The following AK5 variants were observed in gnomAD, a reference collection of about 807,000 sequenced individuals.
AK5 encodes adenylate kinase 5.
Under a neutral mutation model 69.5 loss-of-function variants are expected in AK5, and 27 were observed. That is an observed-to-expected ratio of 0.39 (90% CI 0.29 to 0.54). AK5 has a LOEUF of 0.54. AK5 is among the 20% of genes least tolerant of loss of function. The probability of loss-of-function intolerance (pLI) is 0.71; values close to 1 mark genes in which losing one functional copy is unlikely to be tolerated. For missense variants in AK5, 531 were observed against 700.4 expected (o/e 0.76, Z 2.73); for synonymous variants, 260 against 244.4 (o/e 1.06, Z -0.60).
intron 8 of AK5, 42 bp from the exon 9 acceptor site, chr1:77,483,275 A>C: frequency 6.7e-7 from 1 of 1,491,704 alleles, no homozygotes; most frequent in Admixed American, 1.7e-5. Context: ...TCAGCAAAAT[A>C]CCTGCTGTTA....
At chr1:77,502,806 GC>G (rs1277665270) in intron 10 of AK5, among the ~76,000 whole-genome samples, 1 of 152,154 alleles carries the variant, frequency 6.6e-6, no homozygotes, top group African/African-American at 2.4e-5. Context: ...GGCAGAAGCT[GC>G]ACCCCTGCTT....
At chr1:77,509,586 A>G (rs911908046) in intron 10 of AK5, among the ~76,000 whole-genome samples, 2 of 152,240 alleles carry the variant, frequency 1.3e-5, no homozygotes, top group Non-Finnish European at 2.9e-5. Context: ...AACCCAACAT[A>G]GGGACCTATT....
chr1:77,290,773 C>A (rs1385130643), intron 2 of AK5, among the ~76,000 whole-genome samples: 1 of 152,160 alleles, frequency 6.6e-6, no homozygotes, highest in Non-Finnish European at 1.5e-5. Flanking sequence ...ATAAATTAAC[C>A]ATTTATTGAG....
intron 13 of AK5, among the ~76,000 whole-genome samples, chr1:77,541,021 C>G (rs1214963599): frequency 6.6e-6 from 1 of 152,134 alleles, no homozygotes; most frequent in African/African-American, 2.4e-5. Context: ...ATTCTTCTGC[C>G]TCAGCCTCAT....
intron 8 of AK5, among the ~76,000 whole-genome samples, chr1:77,447,646 A>G (rs1652837080): frequency 6.6e-6 from 1 of 152,234 alleles, no homozygotes; most frequent in African/African-American, 2.4e-5. Context: ...CTTGAATGCC[A>G]AGTAATTCTG....
At chr1:77,347,968 T>C (rs1291682683) in intron 6 of AK5, among the ~76,000 whole-genome samples, 1 of 152,170 alleles carries the variant, frequency 6.6e-6, no homozygotes, top group African/African-American at 2.4e-5. Context: ...TGCTGCTGAT[T>C]ATATGGCAGT....
At position 77,558,897 on chromosome 1, in the gene AK5, A is replaced by C; in HGVS notation, c.*227A>C. The C allele has an allele frequency of 2.0e-6, 1 of 492,596 alleles. No individual in the cohort carries two copies. 30.5% of individuals were successfully genotyped at this position (492,596 alleles called of 1,614,324 possible). Reference sequence around the variant, plus strand: ...CAACCTATTCTCCACACTTCAGACAACTGTCTGCACTCACGGCACACACAC... The same window carrying C: ...CAACCTATTCTCCACACTTCAGACACCTGTCTGCACTCACGGCACACACAC... On this transcript the variant is annotated 3_prime_UTR_variant, in exon 14 of 14. Coordinates refer to ENST00000354567, the MANE Select transcript of AK5 (RefSeq NM_174858.3).
chr1:77,545,339 A>G (rs1268527564), intron 13 of AK5, among the ~76,000 whole-genome samples: 3 of 152,002 alleles, frequency 2.0e-5, no homozygotes. Context: ...ATGGTGGGGG[A>G]GGGCTGATTT....
chr1:77,325,161 G>GTTTTTTTTTTTTTTTTTTT (rs369801549), intron 5 of AK5, among the ~76,000 whole-genome samples: 1 of 123,252 alleles, frequency 8.1e-6, no homozygotes, highest in Admixed American at 8.2e-5. Flanking sequence ...TAGGTTTTTT[G>GTTTTTTTTTTTTTTTTTTT]TTTTTTTTTT....
chr1:77,495,327 T>C (rs1319377727), intron 10 of AK5, among the ~76,000 whole-genome samples: 1 of 152,216 alleles, frequency 6.6e-6, no homozygotes, highest in African/African-American at 2.4e-5. Flanking sequence ...GGGAATATAG[T>C]GGGTGAGAGA....
chr1:77,556,716 G>T (rs1660122735), intron 13 of AK5, among the ~76,000 whole-genome samples: 1 of 152,166 alleles, frequency 6.6e-6, no homozygotes, highest in South Asian at 2.1e-4. Context: ...AAACTAGTTT[G>T]CACAAAGAAG....
intron 8 of AK5, among the ~76,000 whole-genome samples, chr1:77,475,187 A>AT (rs1205514285): frequency 1.2e-4 from 1 of 8,104 alleles, no homozygotes; most frequent in Non-Finnish European, 6.3e-4. Context: ...ATATATATAT[A>AT]TATATATATG....
At chr1:77,487,611 C>G (rs1227814195) in intron 10 of AK5, among the ~76,000 whole-genome samples, 2 of 152,186 alleles carry the variant, frequency 1.3e-5, no homozygotes. Flanking sequence ...ATCAGAGTGC[C>G]TCCTTGGAAA....
At chr1:77,349,838 A>G (rs1662104713) in intron 6 of AK5, among the ~76,000 whole-genome samples, 2 of 152,130 alleles carry the variant, frequency 1.3e-5, no homozygotes, top group African/African-American at 2.4e-5. Flanking sequence ...TCGAACGTAA[A>G]ACTGAGGCTT....
chr1:77,462,915 CCTTAAAGTTAT>C (rs1199203943), intron 8 of AK5, among the ~76,000 whole-genome samples: 1 of 152,152 alleles, frequency 6.6e-6, no homozygotes, highest in Non-Finnish European at 1.5e-5. Flanking sequence ...GCTCTGCAAT[CCTTAAAGTTAT>C]CTTAAAATTC....
At position 77,521,866 on chromosome 1, in the gene AK5, A is replaced by G; in HGVS notation, c.1351A>G (p.Ser451Gly). The G allele has an allele frequency of 6.2e-7, 1 of 1,613,858 alleles. No homozygotes were observed. Residue 451 changes from serine to glycine, a missense_variant, in exon 12 of 14, where the codon AGC (serine) becomes GGC (glycine). Physicochemically the swap from Ser to Gly is moderately conservative, Grantham distance 56. Coordinates refer to ENST00000354567, the MANE Select transcript of AK5 (RefSeq NM_174858.3). ...LELLKEAMVA[S>G]LGDTRGFLID... ...GCTCCTGAAGGAGGCCATGGTGGCC[A>G]GCCTCGGGGACACCAGGGGCTTCCT... is the stretch of plus-strand genomic sequence containing the variant.
chr1:77,345,809 C>A (rs1401805218), intron 6 of AK5, among the ~76,000 whole-genome samples: 2 of 152,218 alleles, frequency 1.3e-5, no homozygotes, highest in Non-Finnish European at 2.9e-5. Flanking sequence ...ACCACTGAAA[C>A]TATGCACAGT....
chr1:77,439,792 G>GTATATGTATATACATACATA (rs1652204324), intron 8 of AK5, among the ~76,000 whole-genome samples: 3 of 149,758 alleles, frequency 2.0e-5, no homozygotes, highest in African/African-American at 7.4e-5. Context: ...ATGTATACAT[G>GTATATGTATATACATACATA]TATATGTATA....
At chr1:77,401,383 G>A (rs974926222) in intron 6 of AK5, among the ~76,000 whole-genome samples, 2 of 152,178 alleles carry the variant, frequency 1.3e-5, no homozygotes, top group African/African-American at 4.8e-5. Flanking sequence ...CATTGGTGGA[G>A]AGCCTGCTTA....
Sources: allele counts gnomAD v4.1 joint callset (sites outside exome capture counted in the v4.1 genomes callset), GRCh38; gene constraint gnomAD v4.1.1; transcripts MANE v1.5; gene names NCBI Gene and HGNC (gene_info 2026-07-23, HGNC 2026-07-21).